Variants in MYT1L observed in about 807,000 individuals in gnomAD.
MYT1L encodes myelin transcription factor 1-like protein.
Under a neutral mutation model 126.7 loss-of-function variants are expected in MYT1L, and 12 were observed. The observed-to-expected ratio is 0.09, with a 90% CI of 0.06 to 0.15. The LOEUF (loss-of-function observed/expected upper bound fraction) is 0.15, where lower values mean the gene tolerates loss of function less well. Among genes scored for constraint, MYT1L ranks in the 10% least tolerant of loss-of-function variants. MYT1L has a pLI of 1.00. For synonymous variants in MYT1L, 541 were observed against 604.2 expected (o/e 0.90, Z 1.53); for missense variants, 979 against 1,585.2 (o/e 0.62, Z 6.49).
At chr2:1,838,466 G>C (rs911273755) in intron 21 of MYT1L, among the ~76,000 whole-genome samples, 3 of 152,036 alleles carry the variant, frequency 2.0e-5, no homozygotes, top group Non-Finnish European at 4.4e-5. Flanking sequence ...CTCCCCAAAG[G>C]GTATGGCCTT....
chr2:2,153,814 G>A (rs573348258), intron 3 of MYT1L, among the ~76,000 whole-genome samples: 1 of 152,250 alleles, frequency 6.6e-6, no homozygotes, highest in Non-Finnish European at 1.5e-5. Flanking sequence ...CCAGCAGCTG[G>A]TGTCGGGTGG....
chr2:2,174,498 A>G (rs1470815357), intron 2 of MYT1L, among the ~76,000 whole-genome samples: 1 of 152,224 alleles, frequency 6.6e-6, no homozygotes, highest in Non-Finnish European at 1.5e-5. Context: ...CACTCTGACC[A>G]TTAATGCTCA....
In MYT1L at chr2:2,130,146, GAGAA is replaced by G. The variant is rs142908354; in HGVS notation, c.-304+42722_-304+42725del. On this transcript the variant is annotated intron_variant, in intron 3 of 24. Transcript: ENST00000647738. The stretch of plus-strand genomic sequence containing the variant: ...ATTAAGATAGCCTTAAATTTGAAAA[GAGAA>G]AGACAACTCAGTATAAAAGGGGTTC... 1.7e-3 allele frequency among the ~76,000 whole-genome samples: 259 copies of G among 151,908 alleles called. 2 individuals are homozygous for G. The highest frequency in any genetic ancestry group is 6.0e-3 in the African/African-American group (250 of 41,422).
At chr2:2,321,624 G>T (rs1276904031) in intron 1 of MYT1L, among the ~76,000 whole-genome samples, 1 of 152,106 alleles carries the variant, frequency 6.6e-6, no homozygotes, top group Admixed American at 6.6e-5. Context: ...TATGCATTTA[G>T]GTTGAGATAA....
chr2:1,915,892 A>C (rs1158968048), intron 11 of MYT1L, among the ~76,000 whole-genome samples: 4 of 152,090 alleles, frequency 2.6e-5, no homozygotes, highest in Non-Finnish European at 4.4e-5. Flanking sequence ...CATCCGAATG[A>C]AAGGGGGGGT....
chr2:1,888,696 T>G (rs1201520174), intron 16 of MYT1L, among the ~76,000 whole-genome samples: 1 of 152,242 alleles, frequency 6.6e-6, no homozygotes, highest in Non-Finnish European at 1.5e-5. Context: ...ACTTCAAAAG[T>G]ATGTTCTTGA....
At chr2:1,861,958 G>GTGTAATCCTGGATCCTCCTGCAGCCTC (rs2044719476) in intron 18 of MYT1L, among the ~76,000 whole-genome samples, 10 of 78,466 alleles carry the variant, frequency 1.3e-4, no homozygotes, top group East Asian at 1.0e-3. Flanking sequence ...CCTGCAGCCT[G>GTGTAATCCTGGATCCTCCTGCAGCCTC]TGTAATCCTG....
chr2:1,820,233 A>T (rs1558651523), intron 21 of MYT1L, among the ~76,000 whole-genome samples: 1 of 152,198 alleles, frequency 6.6e-6, no homozygotes, highest in Admixed American at 6.5e-5. Flanking sequence ...TGAGTGTGCA[A>T]TCATTTTCCT....
chr2:2,270,653 T>A (rs2095244776), intron 2 of MYT1L, among the ~76,000 whole-genome samples: 1 of 152,102 alleles, frequency 6.6e-6, no homozygotes, highest in Non-Finnish European at 1.5e-5. Context: ...GTACTCAATG[T>A]ATTCAGGGAT....
At chr2:2,045,320 G>C (rs118078654) in intron 4 of MYT1L, among the ~76,000 whole-genome samples, 1 of 152,198 alleles carries the variant, frequency 6.6e-6, no homozygotes, top group African/African-American at 2.4e-5. Flanking sequence ...GCTGCACTGC[G>C]ATTGATTTTG....
chr2:2,106,995 T>C (rs1205178830), intron 3 of MYT1L, among the ~76,000 whole-genome samples: 1 of 152,136 alleles, frequency 6.6e-6, no homozygotes, highest in Non-Finnish European at 1.5e-5. Flanking sequence ...GTGGGGTTAG[T>C]TAACCTTCCA....
intron 21 of MYT1L, among the ~76,000 whole-genome samples, chr2:1,809,597 A>G (rs1234451815): frequency 6.6e-6 from 1 of 152,248 alleles, no homozygotes; most frequent in African/African-American, 2.4e-5. Context: ...ACAAAAGTAG[A>G]GACAGCAGAA....
chr2:2,255,204 T>A (rs1424679286), intron 2 of MYT1L, among the ~76,000 whole-genome samples: 1 of 152,214 alleles, frequency 6.6e-6, no homozygotes, highest in Non-Finnish European at 1.5e-5. Flanking sequence ...CCATTTATGG[T>A]TCATCCTGCA....
Position 2,283,229 on chromosome 2 carries a change from A to G in MYT1L, c.-421+1175T>C, listed in dbSNP as rs151195249. On this transcript the variant is annotated intron_variant, in intron 2 of 24. Coordinates refer to ENST00000647738, the MANE Select transcript of MYT1L (RefSeq NM_001303052.2). ...CAGTCTTGAAGAATTTTAAACCAAC[A>G]TACTAATGGTGGTTGTCACTGAATT... is the stretch of plus-strand genomic sequence containing the variant. Among the ~76,000 whole-genome samples the G allele has an allele frequency of 2.7e-3, 412 of 152,382 alleles. 2 individuals carry two copies. The highest frequency in any genetic ancestry group is 9.5e-3 in the African/African-American group (395 of 41,598).
At chr2:2,001,237 C>CTTTTTTTTT (rs11389323) in intron 4 of MYT1L, among the ~76,000 whole-genome samples, 1 of 103,910 alleles carries the variant, frequency 9.6e-6, no homozygotes, top group East Asian at 2.9e-4. Flanking sequence ...TTGGTTTTAG[C>CTTTTTTTTT]TTTTTTTTTT....
At chr2:1,808,431 G>T (rs189887971) in intron 22 of MYT1L, among the ~76,000 whole-genome samples, 1 of 152,148 alleles carries the variant, frequency 6.6e-6, no homozygotes, top group South Asian at 2.1e-4. Context: ...CATTGCCTGC[G>T]TCTACAAATT....
intron 2 of MYT1L, among the ~76,000 whole-genome samples, chr2:2,256,738 G>A (rs973908545): frequency 1.3e-5 from 2 of 152,146 alleles, no homozygotes; most frequent in Non-Finnish European, 2.9e-5. Flanking sequence ...TATATGGCCA[G>A]GTAATGCTGA....
Position 1,917,096 on chromosome 2 carries a change from T to A in MYT1L, c.1618+109A>T. On this transcript the variant is annotated intron_variant, in intron 11 of 24. Coordinates refer to ENST00000647738, the MANE Select transcript of MYT1L (RefSeq NM_001303052.2). The surrounding 1 kb of genome is among the most constrained non-coding windows in gnomAD (Gnocchi z 5.9). ...CAAGTTAAGTAGGGGCCTAGTTAAA[T>A]CAGGTCGCACCGAGCCGTACAATGG... The A allele has an allele frequency of 7.4e-7, 1 of 1,355,066 alleles. No homozygotes were observed. The highest frequency in any genetic ancestry group is 2.3e-5 in the East Asian group (1 of 42,904). 83.9% of individuals were successfully genotyped at this position (1,355,066 alleles called of 1,614,324 possible). A position where few individuals can be genotyped will look rare whatever the true frequency, so the allele number is the denominator to read the frequency against.
chr2:1,807,050 G>T (rs1423874947), intron 22 of MYT1L, among the ~76,000 whole-genome samples: 3 of 152,222 alleles, frequency 2.0e-5, no homozygotes. Context: ...GCTTGGGACT[G>T]CATCCACAGG....
Sources: allele counts gnomAD v4.1 joint callset (sites outside exome capture counted in the v4.1 genomes callset), GRCh38; gene constraint gnomAD v4.1.1; non-coding constraint Gnocchi (gnomAD v3.1); transcripts MANE v1.5; gene names NCBI Gene and HGNC (gene_info 2026-07-23, HGNC 2026-07-21).